THSD7B: variants seen among roughly 807,000 people sequenced by gnomAD.
THSD7B encodes the protein thrombospondin type 1 domain containing 7B, also known as thrombospondin type-1 domain-containing protein 7B.
In THSD7B, 138 loss-of-function variants were observed where a neutral mutation model predicts 213.6. The observed-to-expected ratio is 0.65, with a 90% CI of 0.56 to 0.74. The LOEUF is 0.74. Ranked by LOEUF, THSD7B falls within the 30% of genes least tolerant of loss-of-function variation. The pLI is 0.00. For synonymous variants in THSD7B, 742 were observed against 687.0 expected (o/e 1.08, Z -1.25); for missense variants, 1,931 against 1,991.5 (o/e 0.97, Z 0.58).
chr2:137,287,431 G>T (rs1004601954), intron 12 of THSD7B, among the ~76,000 whole-genome samples: 5 of 152,102 alleles, frequency 3.3e-5, no homozygotes, highest in African/African-American at 1.2e-4. Flanking sequence ...TTTAATCTAC[G>T]TGAATAATGA....
intron 5 of THSD7B, among the ~76,000 whole-genome samples, chr2:137,149,099 A>G (rs148421697): frequency 0.013 from 1,954 of 152,260 alleles, 38 homozygotes; most frequent in African/African-American, 0.045. Context: ...CAGCTGCTTC[A>G]GCTCTAGCCA....
chr2:136,975,041 TTTG>T (rs1353450654), intron 2 of THSD7B, among the ~76,000 whole-genome samples: 1 of 112,452 alleles, frequency 8.9e-6, no homozygotes, highest in African/African-American at 3.7e-5. Flanking sequence ...TTTTTAATGG[TTTG>T]TTTTTTTTTT....
chr2:137,332,696 A>T (rs1684542494), intron 12 of THSD7B, among the ~76,000 whole-genome samples: 1 of 152,098 alleles, frequency 6.6e-6, no homozygotes. Flanking sequence ...GCTGAGAGGG[A>T]TCTGGTGAGA....
chr2:137,041,665 AAT>A (rs1392651974), intron 2 of THSD7B, among the ~76,000 whole-genome samples: 1 of 147,392 alleles, frequency 6.8e-6, no homozygotes, highest in African/African-American at 2.5e-5. Context: ...TATAACATAT[AAT>A]ATGTTATGAT....
At chr2:137,541,621 C>A (rs1680611216) in intron 15 of THSD7B, among the ~76,000 whole-genome samples, 1 of 151,588 alleles carries the variant, frequency 6.6e-6, no homozygotes, top group South Asian at 2.1e-4. Flanking sequence ...TGCTACAGTA[C>A]AGAACACTGC....
At chr2:137,474,444 A>G (rs1247934382) in intron 15 of THSD7B, among the ~76,000 whole-genome samples, 2 of 152,140 alleles carry the variant, frequency 1.3e-5, no homozygotes, top group African/African-American at 4.8e-5. Flanking sequence ...CAGCGTCCCA[A>G]TATGGAGACC....
chr2:137,291,735 T>C (rs1311473791), intron 12 of THSD7B, among the ~76,000 whole-genome samples: 1 of 152,132 alleles, frequency 6.6e-6, no homozygotes, highest in Non-Finnish European at 1.5e-5. Flanking sequence ...CCTTCAAAAG[T>C]ATATTTCTAG....
intron 7 of THSD7B, among the ~76,000 whole-genome samples, 153 bp from the exon 8 acceptor site, chr2:137,230,891 A>G (rs891889335): frequency 1.3e-5 from 2 of 152,182 alleles, no homozygotes; most frequent in Non-Finnish European, 1.5e-5. Context: ...CTAAATGCCA[A>G]ATTATCTCCT....
chr2:137,140,538 G>A (rs1679559763), intron 5 of THSD7B, among the ~76,000 whole-genome samples: 1 of 152,074 alleles, frequency 6.6e-6, no homozygotes, highest in Non-Finnish European at 1.5e-5. Flanking sequence ...TTCATTAACA[G>A]TGTCTAAGCT....
chr2:137,437,634 A>C (rs1687321880), intron 14 of THSD7B, among the ~76,000 whole-genome samples: 2 of 152,132 alleles, frequency 1.3e-5, no homozygotes, highest in Non-Finnish European at 2.9e-5. Flanking sequence ...ACCTTAATAT[A>C]GGAGCAAAGG....
intron 7 of THSD7B, among the ~76,000 whole-genome samples, chr2:137,206,979 G>T (rs1212297550): frequency 6.6e-6 from 1 of 152,034 alleles, no homozygotes. Context: ...AATTGATCAG[G>T]TGAGGCTTGT....
chr2:137,188,773 C>T (rs1180193023), intron 7 of THSD7B, among the ~76,000 whole-genome samples: 2 of 152,162 alleles, frequency 1.3e-5, no homozygotes, highest in South Asian at 4.1e-4. Flanking sequence ...AGCAGCATCT[C>T]TTTTCTATGC....
At chr2:137,001,868 C>T (rs903134294) in intron 2 of THSD7B, among the ~76,000 whole-genome samples, 7 of 152,106 alleles carry the variant, frequency 4.6e-5, no homozygotes, top group African/African-American at 1.7e-4. Context: ...ATTTCACTTT[C>T]TCTGTTCTTT....
chr2:137,323,644 T>C (rs1684309563), intron 12 of THSD7B, among the ~76,000 whole-genome samples: 1 of 152,186 alleles, frequency 6.6e-6, no homozygotes, highest in South Asian at 2.1e-4. Context: ...CTGTTTTGAT[T>C]AAATAGTAGC....
chr2:137,484,865 GTTGT>G (rs141261956), intron 15 of THSD7B, among the ~76,000 whole-genome samples: 47,060 of 85,290 alleles, frequency 0.55, 13,156 homozygotes, highest in Non-Finnish European at 0.68. Context: ...TTTTGATGGG[GTTGT>G]TTGTTTTTTT....
At chr2:137,339,011 A>C (rs1188771371) in intron 12 of THSD7B, among the ~76,000 whole-genome samples, 1 of 152,086 alleles carries the variant, frequency 6.6e-6, no homozygotes, top group Admixed American at 6.6e-5. Flanking sequence ...CATGATCACC[A>C]CTCTCAAGAA....
Position 137,199,497 on chromosome 2 carries a change from T to G in THSD7B, c.1723+28559T>G, listed in dbSNP as rs555867705. On this transcript the variant is annotated intron_variant, in intron 7 of 27. Coordinates refer to ENST00000409968, the MANE Select transcript of THSD7B (RefSeq NM_001316349.2). ...TAAAGATTCACTTAGTTATTTACAC[T>G]TGTCATGTTTTGAAATACAGATATA... Among the ~76,000 whole-genome samples, 32 of 152,326 alleles carry G rather than the reference T, an allele frequency of 2.1e-4. 1 individual carries two copies. The highest frequency in any genetic ancestry group is 6.7e-4 in the African/African-American group (28 of 41,588).
At chr2:137,161,129 T>C (rs1421995983) in intron 6 of THSD7B, among the ~76,000 whole-genome samples, 1 of 152,200 alleles carries the variant, frequency 6.6e-6, no homozygotes, top group Non-Finnish European at 1.5e-5. Flanking sequence ...GGAAAAATCT[T>C]CAACCTTTAT....
intron 10 of THSD7B, among the ~76,000 whole-genome samples, chr2:137,265,814 A>G (rs1682575329): frequency 6.6e-6 from 1 of 152,234 alleles, no homozygotes; most frequent in Non-Finnish European, 1.5e-5. Context: ...CAAGACATTT[A>G]TGAGAGTGAA....
Sources: allele counts gnomAD v4.1 joint callset (sites outside exome capture counted in the v4.1 genomes callset), GRCh38; gene constraint gnomAD v4.1.1; transcripts MANE v1.5; gene names NCBI Gene and HGNC (gene_info 2026-07-23, HGNC 2026-07-21).